ESR1: variants seen among roughly 807,000 people sequenced by gnomAD.
ESR1 encodes the protein estrogen receptor 1.
A neutral mutation model predicts 52.7 loss-of-function variants in ESR1; 12 were observed. The ratio of observed to expected loss-of-function variants is 0.23; its 90% confidence interval spans 0.15 to 0.37. The LOEUF is 0.37. Ranked by LOEUF, ESR1 falls within the 10% of genes least tolerant of loss-of-function variation. The pLI, the probability that ESR1 is intolerant of heterozygous loss-of-function variation, is 1.00. For synonymous variants in ESR1, 305 were observed against 316.8 expected, an observed-to-expected ratio of 0.96 and a Z score of 0.39; for missense variants, 584 against 779.7, an observed-to-expected ratio of 0.75 and a Z score of 2.99.
At chr6:152,097,192 A>C (rs1585243350) in intron 7 of ESR1, among the ~76,000 whole-genome samples, 2 of 152,010 alleles carry the variant, frequency 1.3e-5, no homozygotes, top group African/African-American at 4.8e-5. Context: ...ACACACACAC[A>C]ATTGTAATAA....
chr6:152,009,449 C>A (rs1262487093), intron 4 of ESR1, among the ~76,000 whole-genome samples: 1 of 152,110 alleles, frequency 6.6e-6, no homozygotes, highest in Non-Finnish European at 1.5e-5. Context: ...GCAAAATGAT[C>A]TGTTAAAAAA....
upstream of ESR1, among the ~76,000 whole-genome samples, chr6:151,688,519 G>A (rs10214867): frequency 0.065 from 9,934 of 152,050 alleles, 503 homozygotes; most frequent in East Asian, 0.23. Flanking sequence ...ACTAGTATCT[G>A]ACATCTAGTA....
At chr6:151,814,912 C>T (rs952562291) in intron 1 of ESR1, among the ~76,000 whole-genome samples, 1 of 152,152 alleles carries the variant, frequency 6.6e-6, no homozygotes, top group African/African-American at 2.4e-5. Flanking sequence ...ACTGTTGTCT[C>T]CCAGTAAACT....
chr6:152,066,523 G>A (rs974200142), intron 6 of ESR1, among the ~76,000 whole-genome samples: 14 of 152,316 alleles, frequency 9.2e-5, no homozygotes, highest in African/African-American at 3.4e-4. Context: ...GAGAAGATTG[G>A]ATTCTGTTCT....
intron 6 of ESR1, among the ~76,000 whole-genome samples, chr6:152,090,642 A>G (rs1452398797): frequency 2.0e-5 from 3 of 152,208 alleles, no homozygotes; most frequent in African/African-American, 4.8e-5. Flanking sequence ...TCCATTATCT[A>G]GAAAAGTGCT....
chr6:151,681,777 C>A (rs1019269808), intron 1 of ESR1, among the ~76,000 whole-genome samples: 12 of 151,522 alleles, frequency 7.9e-5, no homozygotes, highest in Non-Finnish European at 1.6e-4. Flanking sequence ...CACAGCTGGA[C>A]GCGGGGTCCA....
intron 4 of ESR1, among the ~76,000 whole-genome samples, chr6:151,963,423 C>T (rs900900543): frequency 8.5e-5 from 13 of 152,196 alleles, no homozygotes; most frequent in African/African-American, 3.1e-4. Context: ...ACTTCACCCA[C>T]CCTCACCACA....
At chr6:151,837,836 T>C (rs1420468866) in intron 1 of ESR1, among the ~76,000 whole-genome samples, 1 of 152,014 alleles carries the variant, frequency 6.6e-6, no homozygotes, top group African/African-American at 2.4e-5. Context: ...AGGAAGGAGG[T>C]ATCTTAGTAA....
At chr6:152,043,251 T>C (rs2045952244) in intron 5 of ESR1, among the ~76,000 whole-genome samples, 1 of 152,116 alleles carries the variant, frequency 6.6e-6, no homozygotes, top group Non-Finnish European at 1.5e-5. Flanking sequence ...ACCAAGCAAA[T>C]AAACTATTAG....
chr6:152,049,652 T>G (rs982182088), intron 5 of ESR1, among the ~76,000 whole-genome samples: 37 of 152,182 alleles, frequency 2.4e-4, no homozygotes, highest in African/African-American at 8.9e-4. Flanking sequence ...GGCAGGCTCA[T>G]AGTGACTCTT....
chr6:151,843,595 C>T lies in ESR1; in HGVS notation c.643+808C>T, dbSNP rs1323523496. ...TCTGATAGGAACAGAGATCTGACAGCAGCTTAGGCTAACCAAATTCATTTT... is the reference window on the plus strand; with the variant it reads ...TCTGATAGGAACAGAGATCTGACAGTAGCTTAGGCTAACCAAATTCATTTT... On this transcript the variant is annotated intron_variant, in intron 2 of 7. Transcript: ENST00000206249. Among the ~76,000 whole-genome samples, 3 of 152,174 alleles carry T rather than the reference C, an allele frequency of 2.0e-5. No individual in the cohort carries two copies. The East Asian group carries it at 5.8e-4, about 29-fold the overall frequency.
At position 151,927,891 on chromosome 6, in the gene ESR1, T is replaced by C. The variant is rs371236173; in HGVS notation, c.761-16282T>C. ...CTCCAATACACTTGGCTAATTTTTT[T>C]TTTTGTATTTTTAGTAGAGATGAAG... On this transcript the variant is annotated intron_variant, in intron 3 of 7. Coordinates refer to ENST00000206249, the MANE Select transcript of ESR1 (RefSeq NM_000125.4). 8.6e-3 allele frequency among the ~76,000 whole-genome samples: 1,308 copies of C among 152,160 alleles called. 18 individuals are homozygous for C. Among genetic ancestry groups the C allele is most frequent in the African/African-American group, 0.03 (1,251 of 41,508 alleles).
chr6:152,120,709 G>A (rs1000163068), intron 6 of ESR1, among the ~76,000 whole-genome samples: 6 of 152,074 alleles, frequency 3.9e-5, no homozygotes, highest in South Asian at 2.1e-4. Flanking sequence ...TTAAAATGCC[G>A]GCTCCCAGGC....
At chr6:152,054,850 TA>T (rs1319188890) in intron 5 of ESR1, among the ~76,000 whole-genome samples, 1 of 152,252 alleles carries the variant, frequency 6.6e-6, no homozygotes, top group Non-Finnish European at 1.5e-5. Flanking sequence ...CATCAAATGC[TA>T]CATACTATTT....
intron 3 of ESR1, among the ~76,000 whole-genome samples, chr6:151,929,639 T>C (rs976067355): frequency 6.6e-6 from 1 of 151,956 alleles, no homozygotes; most frequent in African/African-American, 2.4e-5. Context: ...AATAAATAAA[T>C]AAAAATTAAA....
At chr6:152,008,959 G>A (rs2042551746) in intron 4 of ESR1, among the ~76,000 whole-genome samples, 2 of 152,020 alleles carry the variant, frequency 1.3e-5, no homozygotes, top group African/African-American at 4.8e-5. Flanking sequence ...AACCAGTTTG[G>A]CTTATCCTAT....
At chr6:152,033,454 A>C (rs972829232) in intron 5 of ESR1, among the ~76,000 whole-genome samples, 1 of 148,842 alleles carries the variant, frequency 6.7e-6, no homozygotes, top group Non-Finnish European at 1.5e-5. Flanking sequence ...CAAGAAAAAA[A>C]CAAACAACAC....
chr6:151,723,349 T>C (rs1217366925), intron 2 of ESR1, among the ~76,000 whole-genome samples: 1 of 152,190 alleles, frequency 6.6e-6, no homozygotes, highest in African/African-American at 2.4e-5. Flanking sequence ...GTTTCCTCAG[T>C]CACCACTCCT....
intron 2 of ESR1, among the ~76,000 whole-genome samples, chr6:151,795,778 C>T (rs1270896982): frequency 1.3e-5 from 2 of 152,102 alleles, no homozygotes; most frequent in African/African-American, 2.4e-5. Context: ...TAGGAACACA[C>T]CTAATTGCCA....
Sources: allele counts gnomAD v4.1 joint callset (sites outside exome capture counted in the v4.1 genomes callset), GRCh38; gene constraint gnomAD v4.1.1; transcripts MANE v1.5; gene names NCBI Gene and HGNC (gene_info 2026-07-23, HGNC 2026-07-21).